The following MOB3B variants were observed in gnomAD, a reference collection of about 807,000 sequenced individuals.
MOB3B encodes MOB kinase activator 3B, also known as MOB kinase activator-like 2B.
In MOB3B, 7 loss-of-function variants were observed where a neutral mutation model predicts 18.7. That is an observed-to-expected ratio of 0.37 (90% CI 0.21 to 0.70). The LOEUF (loss-of-function observed/expected upper bound fraction) is 0.70, where lower values mean the gene tolerates loss of function less well. MOB3B is among the 30% of genes least tolerant of loss of function. MOB3B has a pLI of 0.52. For missense variants in MOB3B, 253 were observed against 281.3 expected (o/e 0.90, Z 0.72); for synonymous variants, 111 against 99.9 (o/e 1.11, Z -0.66).
intron 2 of MOB3B, among the ~76,000 whole-genome samples, chr9:27,363,369 T>C (rs904514548): frequency 1.3e-5 from 2 of 152,054 alleles, no homozygotes; most frequent in African/African-American, 2.4e-5. Flanking sequence ...CCCAGGTTCA[T>C]GCCATTCTCC....
chr9:27,357,144 A>ATG (rs1554645171), intron 3 of MOB3B, among the ~76,000 whole-genome samples: 11 of 80,960 alleles, frequency 1.4e-4, no homozygotes, highest in Admixed American at 4.6e-4. Flanking sequence ...ATATATATAT[A>ATG]TGTGTTTTTT....
At chr9:27,330,988 A>AAG (rs1820780013) in intron 3 of MOB3B, among the ~76,000 whole-genome samples, 1 of 152,202 alleles carries the variant, frequency 6.6e-6, no homozygotes. Flanking sequence ...ACTTCCCAGC[A>AAG]GGAGCCATGT....
Position 27,341,674 on chromosome 9 carries a change from C to T in MOB3B, c.622-11058G>A, listed in dbSNP as rs73643192. Among the ~76,000 whole-genome samples, 832 of 152,290 alleles carry T rather than the reference C, an allele frequency of 5.5e-3. 9 individuals carry two copies. The highest frequency in any genetic ancestry group is 0.018 in the African/African-American group (735 of 41,554). On this transcript the variant is annotated intron_variant, in intron 3 of 3. Coordinates refer to ENST00000262244, the MANE Select transcript of MOB3B (RefSeq NM_024761.5). ...TTTGGTCTCGTGAGAGCCTCAGGAG[C>T]TGGTCACCACTTTGTGCCCGACTCT...
At chr9:27,450,992 C>T (rs2131444699) in intron 2 of MOB3B, among the ~76,000 whole-genome samples, 1 of 152,286 alleles carries the variant, frequency 6.6e-6, no homozygotes, top group Admixed American at 6.5e-5. Flanking sequence ...TATTCTAAAA[C>T]CCCAGAGGTA....
chr9:27,376,525 T>A (rs1273062824), intron 2 of MOB3B, among the ~76,000 whole-genome samples: 1 of 152,158 alleles, frequency 6.6e-6, no homozygotes, highest in Non-Finnish European at 1.5e-5. Flanking sequence ...TAAAAAGGAA[T>A]TAGTAGTCTT....
Position 27,325,969 on chromosome 9 carries a change from GTTTTTTTTTT to G in MOB3B, c.*4608_*4617del, listed in dbSNP as rs79468810. ...GTCCCTTAATGTTTTGCCAATTAAG[GTTTTTTTTTT>G]TTTTTTTTTGAAACAACAACAGTGT... On this transcript the variant is annotated 3_prime_UTR_variant, in exon 4 of 4. Coordinates refer to ENST00000262244, the MANE Select transcript of MOB3B (RefSeq NM_024761.5). 1 of 133,306 alleles carries G rather than the reference GTTTTTTTTTT, an allele frequency of 7.5e-6. No homozygotes were observed. Among genetic ancestry groups the G allele is most frequent in the Non-Finnish European group, 1.6e-5 (1 of 62,704 alleles). The allele number at this position is 133,306 out of a possible 1,614,324, so 8.3% of individuals were successfully genotyped here.
chr9:27,490,112 G>A lies in MOB3B; in HGVS notation c.-198-34364C>T, dbSNP rs951695572. Among the ~76,000 whole-genome samples, 59 of 152,200 alleles carry A rather than the reference G, an allele frequency of 3.9e-4. 1 individual carries two copies. Among genetic ancestry groups the A allele is most frequent in the African/African-American group, 1.4e-3 (59 of 41,544 alleles). ...AAAGCATCACCTGGCTGGGCCTCTT[G>A]TTCGAGCTCTCTGTAAAAACATAGA... On this transcript the variant is annotated intron_variant, in intron 1 of 3. Transcript: ENST00000262244.
At chr9:27,479,224 G>C (rs1370845405) in intron 1 of MOB3B, among the ~76,000 whole-genome samples, 1 of 152,076 alleles carries the variant, frequency 6.6e-6, no homozygotes, top group Non-Finnish European at 1.5e-5. Flanking sequence ...GCATCATATG[G>C]GCAAGAGAGA....
chr9:27,446,669 G>A (rs961262840), intron 2 of MOB3B, among the ~76,000 whole-genome samples: 4 of 152,170 alleles, frequency 2.6e-5, no homozygotes, highest in South Asian at 2.1e-4. Context: ...GGGAACTAAC[G>A]TTTAAAGCTT....
chr9:27,355,912 G>T (rs1196191543), intron 3 of MOB3B, among the ~76,000 whole-genome samples: 2 of 152,150 alleles, frequency 1.3e-5, no homozygotes, highest in Non-Finnish European at 2.9e-5. Flanking sequence ...GTGTTGACTT[G>T]ACATGTTATG....
In MOB3B at chr9:27,490,586, G is replaced by A. The variant is rs1819801291; in HGVS notation, c.-198-34838C>T. Among the ~76,000 whole-genome samples the A allele has an allele frequency of 2.6e-5, 4 of 152,186 alleles. 1 individual carries two copies. In the South Asian group the frequency reaches 8.3e-4, roughly 31 times the overall value. On this transcript the variant is annotated intron_variant, in intron 1 of 3. Transcript: ENST00000262244. ...AACAGCATGTGCAAAGACATGTAGT[G>A]TGAAAGCACCTGTTCTCTTGGGGAG...
intron 1 of MOB3B, among the ~76,000 whole-genome samples, chr9:27,529,096 C>T (rs1423126212): frequency 6.6e-6 from 1 of 152,198 alleles, no homozygotes; most frequent in African/African-American, 2.4e-5. Context: ...ACTCCTCCCT[C>T]AGGATCAGGA....
intron 3 of MOB3B, among the ~76,000 whole-genome samples, chr9:27,340,964 GTGAC>G (rs1419055570): frequency 6.6e-6 from 1 of 152,242 alleles, no homozygotes; most frequent in African/African-American, 2.4e-5. Context: ...TGAGCAAAGG[GTGAC>G]TGAGTGCACC....
chr9:27,402,854 C>A (rs745751388), intron 2 of MOB3B, among the ~76,000 whole-genome samples: 36 of 152,204 alleles, frequency 2.4e-4, no homozygotes, highest in Admixed American at 1.3e-4. Context: ...CAGAAGTCTG[C>A]TGGCTTTTGT....
intron 1 of MOB3B, among the ~76,000 whole-genome samples, chr9:27,478,810 G>GACACACAC (rs34976107): frequency 0.017 from 2,420 of 141,376 alleles, 28 homozygotes; most frequent in Non-Finnish European, 0.022. Context: ...GGATTAAAAA[G>GACACACAC]ACACACACAC....
intron 2 of MOB3B, among the ~76,000 whole-genome samples, chr9:27,366,832 G>A (rs12551452): frequency 2.0e-5 from 3 of 151,934 alleles, no homozygotes; most frequent in Non-Finnish European, 4.4e-5. Context: ...TGGCAGATAG[G>A]CCCCTTTATT....
At chr9:27,487,207 A>G (rs1187488303) in intron 1 of MOB3B, among the ~76,000 whole-genome samples, 2 of 151,960 alleles carry the variant, frequency 1.3e-5, no homozygotes, top group Non-Finnish European at 2.9e-5. Flanking sequence ...ACGTTTCTAT[A>G]AGTCATGCCA....
chr9:27,407,328 G>A (rs558107705), intron 2 of MOB3B, among the ~76,000 whole-genome samples: 17 of 152,326 alleles, frequency 1.1e-4, no homozygotes, highest in African/African-American at 4.1e-4. Context: ...TTCATCTCAA[G>A]CTACTGTTTA....
At chr9:27,390,707 A>T (rs1258794361) in intron 2 of MOB3B, among the ~76,000 whole-genome samples, 1 of 152,142 alleles carries the variant, frequency 6.6e-6, no homozygotes, top group Non-Finnish European at 1.5e-5. Flanking sequence ...AACCCAGTTG[A>T]AGGAATCAGA....
Sources: gnomAD v4.1 joint callset for allele counts (sites outside exome capture counted in the v4.1 genomes callset) on GRCh38, gnomAD v4.1.1 for gene constraint, MANE v1.5 for transcripts, NCBI Gene and HGNC (gene_info 2026-07-23, HGNC 2026-07-21) for gene names.